The following ZIC1 variants were observed in gnomAD, a reference collection of about 807,000 sequenced individuals.
The protein encoded by ZIC1 is Zic family zinc finger 1, also known as zinc finger protein ZIC 1.
A neutral mutation model predicts 30.9 loss-of-function variants in ZIC1; 4 were observed. That is an observed-to-expected ratio of 0.13 (90% CI 0.06 to 0.30). The LOEUF is 0.30. Among genes scored for constraint, ZIC1 ranks in the 10% least tolerant of loss-of-function variants. The pLI, the probability that ZIC1 is intolerant of heterozygous loss-of-function variation, is 1.00. For missense variants in ZIC1, 441 were observed against 639.3 expected, an observed-to-expected ratio of 0.69 and a Z score of 3.34; for synonymous variants, 305 against 277.5, an observed-to-expected ratio of 1.10 and a Z score of -0.98.
At position 147,415,962 on chromosome 3, in the gene ZIC1, T is replaced by A. The variant is rs1332579070; in HGVS notation, c.*2411T>A. 1 of 152,230 alleles carries A rather than the reference T, an allele frequency of 6.6e-6. No homozygotes were observed. Among genetic ancestry groups the A allele is most frequent in the Non-Finnish European group, 1.5e-5 (1 of 68,042 alleles). 9.4% of individuals were successfully genotyped at this position (152,230 alleles called of 1,614,324 possible). A position where few individuals can be genotyped will look rare whatever the true frequency, so the allele number is the denominator to read the frequency against. On this transcript the variant is annotated 3_prime_UTR_variant, in exon 3 of 3. Coordinates refer to ENST00000282928, the MANE Select transcript of ZIC1 (RefSeq NM_003412.4). ...AACACTGGGGAGGGTGGTGTTTAAC[T>A]TTTTAAAAAATGTTATTCTGATTAT...
Position 147,411,003 on chromosome 3 carries a change from G to A in ZIC1, c.891G>A (p.Thr297=), listed in dbSNP as rs768803366. ...TGGTTAACCACATCCGCGTGCACAC[G>A]GGCGAGAAGCCCTTTCCCTGCCCCT... ...YKLVNHIRVH[T]GEKPFPCPFP... is the part of the protein sequence containing the mutation. Residue 297 remains threonine, a synonymous_variant, in exon 1 of 3, where the codon ACG becomes ACA. Transcript: ENST00000282928. 5.6e-5 allele frequency: 90 copies of A among 1,614,148 alleles called. No homozygotes were observed. The Middle Eastern group carries it at 1.5e-3, about 27-fold the overall frequency.
Position 147,410,985 on chromosome 3 carries a change from C to T in ZIC1, c.873C>T (p.Asn291=), listed in dbSNP as rs973723770. 2.5e-6 allele frequency: 4 copies of T among 1,614,244 alleles called. No individual in the cohort carries two copies. The highest frequency in any genetic ancestry group is 2.5e-6 in the Non-Finnish European group (3 of 1,180,044). Residue 291 remains asparagine, a synonymous_variant, in exon 1 of 3, where the codon AAC becomes AAT. Transcript: ENST00000282928. ...TCAAAGCCAAATACAAACTGGTTAACCACATCCGCGTGCACACGGGCGAGA... is the reference window on the plus strand; with the variant it reads ...TCAAAGCCAAATACAAACTGGTTAATCACATCCGCGTGCACACGGGCGAGA... The part of the protein sequence containing the change: ...KPFKAKYKLV[N]HIRVHTGEKP...
chr3:147,413,575 A>G lies in ZIC1; in HGVS notation c.*24A>G, dbSNP rs1260566835. ...AAAATCAGAAACAAAACATCGAACA[A>G]AACCCTATTTAAGAGACTGATCACA... is the stretch of plus-strand genomic sequence containing the variant. On this transcript the variant is annotated 3_prime_UTR_variant, in exon 3 of 3. Transcript: ENST00000282928. 2 of 1,612,974 alleles carry G rather than the reference A, an allele frequency of 1.2e-6. No homozygotes were observed. The highest frequency in any genetic ancestry group is 1.7e-6 in the Non-Finnish European group (2 of 1,179,320).
chr3:147,410,593 G>C lies in ZIC1; in HGVS notation c.481G>C (p.Gly161Arg). Reference sequence around the variant, plus strand: ...CCACGCGTCGCCTAACGTGGTCAACGGGCAGATGAGGCTCGGCTTCTCGGG... The same window carrying C: ...CCACGCGTCGCCTAACGTGGTCAACCGGCAGATGAGGCTCGGCTTCTCGGG... ...AGHASPNVVN[G>R]QMRLGFSGDM... is the part of the protein sequence containing the mutation. The change falls in exon 1 of 3, where the codon GGG (glycine) becomes CGG (arginine). Residue 161 changes from glycine (G) to arginine (R), a missense_variant. This residue lies in a region of ZIC1 where 307 missense variants were observed against 355.3 expected (regional missense o/e 0.86). Coordinates refer to ENST00000282928, the MANE Select transcript of ZIC1 (RefSeq NM_003412.4). 1 of 1,613,318 alleles carries C rather than the reference G, an allele frequency of 6.2e-7. No homozygotes were observed. The highest frequency in any genetic ancestry group is 8.5e-7 in the Non-Finnish European group (1 of 1,179,854).
rs953407408 is a variant in ZIC1 at position 147,413,675 on chromosome 3, A to T, written c.*124A>T. ...CACACAGACCCCGCAATCCTTTTTTAAAAAATCTGCCAATAGACCCAGGAC... is the reference window on the plus strand; with the variant it reads ...CACACAGACCCCGCAATCCTTTTTTTAAAAATCTGCCAATAGACCCAGGAC... On this transcript the variant is annotated 3_prime_UTR_variant, in exon 3 of 3. Coordinates refer to ENST00000282928, the MANE Select transcript of ZIC1 (RefSeq NM_003412.4). The T allele has an allele frequency of 2.2e-5, 26 of 1,165,642 alleles. No individual in the cohort carries two copies. The highest frequency in any genetic ancestry group is 2.2e-4 in the African/African-American group (14 of 63,346). The allele number at this position is 1,165,642 out of a possible 1,614,324, so 72.2% of individuals were successfully genotyped here. A position where few individuals can be genotyped will look rare whatever the true frequency, so the allele number is the denominator to read the frequency against.
At chr3:147,412,976 CT>C (rs914501717) in intron 2 of ZIC1, among the ~76,000 whole-genome samples, 1 of 152,240 alleles carries the variant, frequency 6.6e-6, no homozygotes, top group Non-Finnish European at 1.5e-5. Flanking sequence ...GGGGTTGACG[CT>C]GCGGAAACTG....
In ZIC1 at chr3:147,409,920, G is replaced by A; in HGVS notation, c.-193G>A. 2 of 599,528 alleles carry A rather than the reference G, an allele frequency of 3.3e-6. No individual in the cohort carries two copies. The highest frequency in any genetic ancestry group is 2.7e-6 in the Non-Finnish European group (1 of 372,872). The allele number at this position is 599,528 out of a possible 1,614,324, so 37.1% of individuals were successfully genotyped here. On this transcript the variant is annotated 5_prime_UTR_variant, in exon 1 of 3. Coordinates refer to ENST00000282928, the MANE Select transcript of ZIC1 (RefSeq NM_003412.4). ...CGTCCGGCTACTTTGCGTTTGGCCC[G>A]GCCAGCGCCCGGGCGCGCCGCGCCA...
At position 147,415,003 on chromosome 3, in the gene ZIC1, G is replaced by A. The variant is rs1355381993; in HGVS notation, c.*1452G>A. ...GATTTACAATATCATATTTTAAATT[G>A]CTGTCTTCAATTAAACCATTTATGA... On this transcript the variant is annotated 3_prime_UTR_variant, in exon 3 of 3. Coordinates refer to ENST00000282928, the MANE Select transcript of ZIC1 (RefSeq NM_003412.4). The A allele has an allele frequency of 6.6e-6, 1 of 152,612 alleles. No individual in the cohort carries two copies. The highest frequency in any genetic ancestry group is 1.5e-5 in the Non-Finnish European group (1 of 68,038). The allele number at this position is 152,612 out of a possible 1,614,324, so 9.5% of individuals were successfully genotyped here.
rs771714402 is a variant in ZIC1, at chr3:147,410,302, T to C, written c.190T>C (p.Phe64Leu). 6.3e-7 allele frequency: 1 copy of C among 1,599,898 alleles called. No individual in the cohort carries two copies. Among genetic ancestry groups the C allele is most frequent in the South Asian group, 1.1e-5 (1 of 90,972 alleles). ...HELASAGQTA[F>L]TSQAPGYAAA... ...GCTGGCTTCGGCCGGCCAGACGGCC[T>C]TCACGTCGCAGGCGCCAGGCTACGC... Residue 64 changes from phenylalanine to leucine, a missense_variant, in exon 1 of 3, where the codon TTC (phenylalanine) becomes CTC (leucine). Physicochemically the swap from Phe to Leu is conservative, Grantham distance 22. Transcript: ENST00000282928.
chr3:147,414,196 C>T lies in ZIC1; in HGVS notation c.*645C>T, dbSNP rs938966162. 6.6e-6 allele frequency: 1 copy of T among 152,426 alleles called. No homozygotes were observed. The highest frequency in any genetic ancestry group is 1.5e-5 in the Non-Finnish European group (1 of 67,994). 9.4% of individuals were successfully genotyped at this position (152,426 alleles called of 1,614,324 possible). On this transcript the variant is annotated 3_prime_UTR_variant, in exon 3 of 3. Transcript: ENST00000282928. ...ACCCAATATTATTGGTATTAATGTGCTTTTTTTGTATAAAGTGCAAACATT... is the reference window on the plus strand; with the variant it reads ...ACCCAATATTATTGGTATTAATGTGTTTTTTTTGTATAAAGTGCAAACATT...
chr3:147,409,714 C>G lies in ZIC1; in HGVS notation c.-399C>G. ...CAGTCGCGGCACTGGCGCTCACATTCCTCTATGCTACAAATCCAGGAGGAA... is the reference window on the plus strand; with the variant it reads ...CAGTCGCGGCACTGGCGCTCACATTGCTCTATGCTACAAATCCAGGAGGAA... On this transcript the variant is annotated 5_prime_UTR_variant, in exon 1 of 3. Transcript: ENST00000282928. The G allele has an allele frequency of 5.0e-6, 1 of 199,960 alleles. No individual in the cohort carries two copies. The highest frequency in any genetic ancestry group is 1.0e-5 in the Non-Finnish European group (1 of 99,930). The allele number at this position is 199,960 out of a possible 1,614,324, so 12.4% of individuals were successfully genotyped here.
Position 147,410,020 on chromosome 3 carries a change from C to G in ZIC1, c.-93C>G. The G allele has an allele frequency of 7.6e-7, 1 of 1,321,238 alleles. No homozygotes were observed. The highest frequency in any genetic ancestry group is 9.9e-7 in the Non-Finnish European group (1 of 1,005,832). The allele number at this position is 1,321,238 out of a possible 1,614,324, so 81.8% of individuals were successfully genotyped here. On this transcript the variant is annotated 5_prime_UTR_variant, in exon 1 of 3. Transcript: ENST00000282928. The stretch of plus-strand genomic sequence containing the variant: ...TCCTCTTCTTCCTCCTCTTCCTCCT[C>G]CTCTTGTTCCTCCTCCTCCTCCCGA...
At position 147,416,338 on chromosome 3, in the gene ZIC1, T is replaced by C. The variant is rs2087433830; in HGVS notation, c.*2787T>C. The C allele has an allele frequency of 6.6e-6, 1 of 152,236 alleles. No homozygotes were observed. The highest frequency in any genetic ancestry group is 1.5e-5 in the Non-Finnish European group (1 of 68,036). The allele number at this position is 152,236 out of a possible 1,614,324, so 9.4% of individuals were successfully genotyped here. A position where few individuals can be genotyped will look rare whatever the true frequency, so the allele number is the denominator to read the frequency against. On this transcript the variant is annotated 3_prime_UTR_variant, in exon 3 of 3. Transcript: ENST00000282928. ...GATAAACATGATAATAGTGGTACTT[T>C]TGTAATTTTGCTGGTGCATTTAAGA...
chr3:147,409,398 C>T lies in ZIC1; in HGVS notation c.-715C>T, dbSNP rs1345045945. 6.5e-6 allele frequency: 1 copy of T among 152,696 alleles called. No homozygotes were observed. Among genetic ancestry groups the T allele is most frequent in the Non-Finnish European group, 1.5e-5 (1 of 68,070 alleles). 9.5% of individuals were successfully genotyped at this position (152,696 alleles called of 1,614,324 possible). Reference sequence around the variant, plus strand: ...TATCTGCAGGAATGATTGCTGCTATCAGTCTCGCGCTCACCGCCCGGCTGA... The same window carrying T: ...TATCTGCAGGAATGATTGCTGCTATTAGTCTCGCGCTCACCGCCCGGCTGA... On this transcript the variant is annotated 5_prime_UTR_variant, in exon 1 of 3. Transcript: ENST00000282928.
At chr3:147,411,143 A>T (rs778074596) in intron 1 of ZIC1, 49 bp downstream of exon 1, 11 of 1,553,822 alleles carry the variant, frequency 7.1e-6, no homozygotes, top group South Asian at 4.9e-5. Context: ...TGGGCCTGGG[A>T]CCCAAACCGA....
Position 147,413,716 on chromosome 3 carries a change from C to A in ZIC1, c.*165C>A. On this transcript the variant is annotated 3_prime_UTR_variant, in exon 3 of 3. Transcript: ENST00000282928. ...GACCCAGGACGAGTAAGAGAGGAAG[C>A]ATCAACCTTTTAAAAATTTCCTTTC... 1 of 711,458 alleles carries A rather than the reference C, an allele frequency of 1.4e-6. No homozygotes were observed. Among genetic ancestry groups the A allele is most frequent in the South Asian group, 3.6e-5 (1 of 27,922 alleles). 44.1% of individuals were successfully genotyped at this position (711,458 alleles called of 1,614,324 possible).
In ZIC1 at chr3:147,410,633, G is replaced by C; in HGVS notation, c.521G>C (p.Arg174Pro). 1 of 1,613,518 alleles carries C rather than the reference G, an allele frequency of 6.2e-7. No individual in the cohort carries two copies. Among genetic ancestry groups the C allele is most frequent in the Non-Finnish European group, 8.5e-7 (1 of 1,179,904 alleles). Reference sequence around the variant, plus strand: ...GGCTTCTCGGGGGACATGTACCCGCGACCGGAGCAGTACGGCCAGGTGACC... The same window carrying C: ...GGCTTCTCGGGGGACATGTACCCGCCACCGGAGCAGTACGGCCAGGTGACC... The part of the protein sequence containing the change: ...RLGFSGDMYP[R>P]PEQYGQVTSP... Residue 174 changes from arginine to proline, a missense_variant, in exon 1 of 3, where the codon CGA (arginine) becomes CCA (proline). By Grantham distance (103) the Arg-to-Pro change is moderately radical (BLOSUM62 -2). Transcript: ENST00000282928.
chr3:147,410,751 C>T lies in ZIC1; in HGVS notation c.639C>T (p.Phe213=), dbSNP rs777629585. 2.7e-5 allele frequency: 43 copies of T among 1,614,080 alleles called. No individual in the cohort carries two copies. In the South Asian group the frequency reaches 4.4e-4, roughly 16 times the overall value. ...CCGCGCATCACGGCGCCGGCGCCTT[C>T]TTCCGCTACATGCGCCAACCCATCA... ...NMAAHHGAGA[F]FRYMRQPIKQ... The change falls in exon 1 of 3, where the codon TTC becomes TTT. Residue 213 remains phenylalanine, a synonymous_variant. Transcript: ENST00000282928.
In ZIC1 at chr3:147,410,560, G is replaced by A. The variant is rs1268777811; in HGVS notation, c.448G>A (p.Ala150Thr). Residue 150 changes from alanine (A) to threonine (T), a missense_variant, in exon 1 of 3, where the codon GCT becomes ACT. By Grantham distance (58) the Ala-to-Thr change is moderately conservative. Coordinates refer to ENST00000282928, the MANE Select transcript of ZIC1 (RefSeq NM_003412.4). ...CCTCTTCCCCGGGCTTCACGAGCAG[G>A]CTGCCGGCCACGCGTCGCCTAACGT... Reference protein sequence around the residue: ...HLLFPGLHEQAAGHASPNVVN... With the variant: ...HLLFPGLHEQTAGHASPNVVN... The A allele has an allele frequency of 6.2e-7, 1 of 1,611,356 alleles. No individual in the cohort carries two copies. Among genetic ancestry groups the A allele is most frequent in the Non-Finnish European group, 8.5e-7 (1 of 1,179,388 alleles).
Sources: gnomAD v4.1 joint callset for allele counts (sites outside exome capture counted in the v4.1 genomes callset) on GRCh38, gnomAD v4.1.1 for gene constraint, gnomAD v4.1.1 regional missense constraint, MANE v1.5 for transcripts, NCBI Gene and HGNC (gene_info 2026-07-23, HGNC 2026-07-21) for gene names.